The following USP20 variants were observed in gnomAD, a reference collection of about 807,000 sequenced individuals.
The protein encoded by USP20 is ubiquitin specific peptidase 20.
In USP20, 80 loss-of-function variants were observed where a neutral mutation model predicts 124.2. The ratio of observed to expected loss-of-function variants is 0.64; its 90% CI spans 0.54 to 0.78. The LOEUF is 0.78. Ranked by LOEUF, USP20 falls within the 30% of genes least tolerant of loss-of-function variation. The pLI, the probability that USP20 is intolerant of heterozygous loss-of-function variation, is 0.00. For missense variants in USP20, 1,043 were observed against 1,244.4 expected (o/e 0.84, Z 2.44); for synonymous variants, 481 against 512.3 (o/e 0.94, Z 0.83).
In USP20 at chr9:129,876,265, C is replaced by T. The variant is rs376042427; in HGVS notation, c.2409+27C>T. ...TGCGTGCGGCGAGGCGGCGCGGGGGCGGCTCTGCCAGCCTCTGCCTGGGGC... is the reference window on the plus strand; with the variant it reads ...TGCGTGCGGCGAGGCGGCGCGGGGGTGGCTCTGCCAGCCTCTGCCTGGGGC... On this transcript the variant is annotated intron_variant, in intron 22 of 25. Coordinates refer to ENST00000372429, the MANE Select transcript of USP20 (RefSeq NM_001110303.4). The T allele has an allele frequency of 5.0e-5, 79 of 1,581,044 alleles. 1 individual carries two copies. The highest frequency in any genetic ancestry group is 4.1e-4 in the South Asian group (36 of 87,924).
intron 2 of USP20, among the ~76,000 whole-genome samples, chr9:129,852,278 A>G (rs62586276): frequency 0.15 from 22,653 of 152,156 alleles, 2,253 homozygotes; most frequent in African/African-American, 0.27. Flanking sequence ...GTCACCTGCC[A>G]TGGGCTTTCC....
intron 4 of USP20, among the ~76,000 whole-genome samples, chr9:129,857,758 C>T (rs1338705087): frequency 4.6e-5 from 7 of 152,198 alleles, no homozygotes. Flanking sequence ...CCCGAGCAGC[C>T]AGGCCCCAGC....
rs2034492664 is a variant in USP20 at position 129,878,326 on chromosome 9, C to T, written c.2410-12C>T. ...TGCCCTCTGTCTCCTCCCGTCCCTG[C>T]CCGCCTGCCAGTTGAACAAGGCCTT... is the stretch of plus-strand genomic sequence containing the variant. On this transcript the variant is annotated splice_polypyrimidine_tract_variant and intron_variant, in intron 22 of 25. Transcript: ENST00000372429. The T allele has an allele frequency of 7.0e-6, 11 of 1,569,618 alleles. No individual in the cohort carries two copies. Among genetic ancestry groups the T allele is most frequent in the Non-Finnish European group, 9.5e-6 (11 of 1,156,674 alleles).
At chr9:129,876,047 A>T in intron 21 of USP20, 83 bp from the exon 22 acceptor site, 1 of 1,249,976 alleles carries the variant, frequency 8.0e-7, no homozygotes, top group Non-Finnish European at 1.1e-6. Flanking sequence ...TGATGGCTTG[A>T]GGGGGAAGTG....
Position 129,861,014 on chromosome 9 carries a change from C to T in USP20, c.408C>T (p.Asp136=), listed in dbSNP as rs1503375. The T allele has an allele frequency of 0.89, 1,437,884 of 1,613,814 alleles. 641,724 individuals are homozygous for T. The highest frequency in any genetic ancestry group is 0.97 in the East Asian group (43,703 of 44,882). Residue 136 remains aspartate (D), a synonymous_variant, in exon 7 of 26, where the codon GAC becomes GAT. Transcript: ENST00000372429. The part of the protein sequence containing the change: ...VADEGESESE[D]DDLKPRGLTG... ...ATGAAGGAGAGTCTGAGTCAGAGGA[C>T]GATGACCTGAAACCTCGAGGTAATG...
rs1043752567 is a variant in USP20, at chr9:129,879,975, A to G, written c.2585-138A>G. On this transcript the variant is annotated intron_variant, in intron 24 of 25. Coordinates refer to ENST00000372429, the MANE Select transcript of USP20 (RefSeq NM_001110303.4). The surrounding 1 kb of genome is among the most constrained non-coding windows in gnomAD (Gnocchi z 4.2). ...ATTCCTCTGGGAAATCCTGATTTCC[A>G]TCTGACAGCTTTGCATAGAAGCCCT... The G allele has an allele frequency of 4.9e-5, 52 of 1,054,964 alleles. No homozygotes were observed. Among genetic ancestry groups the G allele is most frequent in the South Asian group, 1.6e-5 (1 of 62,280 alleles). The allele number at this position is 1,054,964 out of a possible 1,614,324, so 65.4% of individuals were successfully genotyped here.
Position 129,879,359 on chromosome 9 carries a change from A to G in USP20, c.2513-214A>G, listed in dbSNP as rs1427436814. The G allele has an allele frequency of 5.3e-6, 3 of 561,638 alleles. No homozygotes were observed. Among genetic ancestry groups the G allele is most frequent in the African/African-American group, 1.9e-5 (1 of 52,642 alleles). The allele number at this position is 561,638 out of a possible 1,614,324, so 34.8% of individuals were successfully genotyped here. Reference sequence around the variant, plus strand: ...ATCCACCGCAGCTCCTGCGGCCAGCACAGAGTCTGAGACCATCTCGTGTGT... The same window carrying G: ...ATCCACCGCAGCTCCTGCGGCCAGCGCAGAGTCTGAGACCATCTCGTGTGT... On this transcript the variant is annotated intron_variant, in intron 23 of 25. Transcript: ENST00000372429. This position sits in a 1 kb window ranked among gnomAD's most constrained non-coding sequence, Gnocchi z 4.2.
intron 15 of USP20, among the ~76,000 whole-genome samples, chr9:129,873,007 G>A (rs2034196937): frequency 6.6e-6 from 1 of 151,534 alleles, no homozygotes; most frequent in African/African-American, 2.4e-5. Flanking sequence ...ATGGATTCTG[G>A]CTGTGGGGCC....
chr9:129,866,553 CTG>C (rs1367080465), intron 10 of USP20, among the ~76,000 whole-genome samples: 2 of 152,218 alleles, frequency 1.3e-5, no homozygotes, highest in Admixed American at 6.5e-5. Flanking sequence ...ACCACCCTGA[CTG>C]TGTGCAAGGC....
chr9:129,862,552 C>CAAAAA (rs5900869), intron 8 of USP20, among the ~76,000 whole-genome samples: 1 of 133,298 alleles, frequency 7.5e-6, no homozygotes, highest in African/African-American at 2.8e-5. Context: ...GACTCCGTCT[C>CAAAAA]AAAAAAAAAA....
intron 1 of USP20, among the ~76,000 whole-genome samples, chr9:129,842,952 G>T (rs908145632): frequency 6.6e-6 from 1 of 151,936 alleles, no homozygotes; most frequent in Non-Finnish European, 1.5e-5. Flanking sequence ...TTCCTTCATA[G>T]AAATGATTTT....
intron 1 of USP20, among the ~76,000 whole-genome samples, chr9:129,845,480 C>G (rs1049832970): frequency 6.6e-6 from 1 of 152,190 alleles, no homozygotes; most frequent in Admixed American, 6.5e-5. Context: ...AAACAGCTCT[C>G]TCTCTAGTGA....
chr9:129,836,242 T>G (rs2131022317), intron 1 of USP20, among the ~76,000 whole-genome samples: 1 of 152,368 alleles, frequency 6.6e-6, no homozygotes, highest in East Asian at 1.9e-4. Flanking sequence ...AACAGTAGTT[T>G]TCCTTTTCTC....
At chr9:129,846,228 CAT>C (rs1159489842) in intron 1 of USP20, among the ~76,000 whole-genome samples, 2,632 of 59,374 alleles carry the variant, frequency 0.044, 350 homozygotes, top group Middle Eastern at 0.067. Context: ...TGCGCCCAGC[CAT>C]ATATATATAT....
intron 9 of USP20, among the ~76,000 whole-genome samples, chr9:129,863,923 T>C (rs2417155): frequency 0.86 from 130,981 of 151,472 alleles, 56,930 homozygotes; most frequent in East Asian, 0.98. Context: ...CTGGCCAACA[T>C]GGTGAAACCC....
rs866574347 is a variant in USP20, at chr9:129,835,491, C to A, written c.-137C>A. ...CTGACAGGCGGCGGCGGCGCAGTTG[C>A]GAGTGCAGGTGAGTTCCGGGCCGCC... On this transcript the variant is annotated 5_prime_UTR_variant, in exon 1 of 26. Transcript: ENST00000372429. The A allele has an allele frequency of 2.6e-6, 1 of 389,908 alleles. No homozygotes were observed. The highest frequency in any genetic ancestry group is 4.6e-6 in the Non-Finnish European group (1 of 218,732). 24.2% of individuals were successfully genotyped at this position (389,908 alleles called of 1,614,324 possible). A position where few individuals can be genotyped will look rare whatever the true frequency, so the allele number is the denominator to read the frequency against.
intron 11 of USP20, 76 bp downstream of exon 11, chr9:129,868,525 G>A (rs1009172871): frequency 3.2e-5 from 48 of 1,505,276 alleles, no homozygotes; most frequent in Admixed American, 2.8e-4. Context: ...GCGCCGACCT[G>A]CAGTAGCCCC....
chr9:129,856,238 A>C (rs2033208308), intron 3 of USP20, 69 bp from the exon 4 acceptor site: 2 of 1,492,546 alleles, frequency 1.3e-6, no homozygotes, highest in Non-Finnish European at 1.9e-6. Flanking sequence ...AGGCAGGAGC[A>C]GTCTCAGTGC....
intron 8 of USP20, 38 bp downstream of exon 8, chr9:129,861,650 C>G (rs1476596944): frequency 6.2e-7 from 1 of 1,602,086 alleles, no homozygotes; most frequent in Non-Finnish European, 8.5e-7. Flanking sequence ...AGAGCTGTCC[C>G]TGGCAAAGCC....
Sources: gnomAD v4.1 joint callset for allele counts (sites outside exome capture counted in the v4.1 genomes callset) on GRCh38, gnomAD v4.1.1 for gene constraint, Gnocchi (gnomAD v3.1) non-coding constraint, MANE v1.5 for transcripts, NCBI Gene and HGNC (gene_info 2026-07-23, HGNC 2026-07-21) for gene names.